FNBP1: variants seen among roughly 807,000 people sequenced by gnomAD.
FNBP1 encodes formin binding protein 1, also known as formin-binding protein 1.
In FNBP1, 26 loss-of-function variants were observed where a neutral mutation model predicts 90.6. That is an observed-to-expected ratio of 0.29 (90% CI 0.21 to 0.40). The LOEUF (loss-of-function observed/expected upper bound fraction) is 0.40, where lower values mean the gene tolerates loss of function less well. Ranked by LOEUF, FNBP1 falls within the 10% of genes least tolerant of loss-of-function variation. FNBP1 has a pLI of 1.00. For synonymous variants in FNBP1, 260 were observed against 265.2 expected (o/e 0.98, Z 0.19); for missense variants, 635 against 768.0 (o/e 0.83, Z 2.05).
chr9:129,953,725 T>C (rs1037011394), intron 6 of FNBP1, among the ~76,000 whole-genome samples: 3 of 149,298 alleles, frequency 2.0e-5, no homozygotes, highest in African/African-American at 7.4e-5. Context: ...ATGTTTATAA[T>C]GGAGAAGAAG....
At chr9:129,964,140 C>A (rs1025778454) in intron 4 of FNBP1, among the ~76,000 whole-genome samples, 3 of 152,184 alleles carry the variant, frequency 2.0e-5, no homozygotes, top group East Asian at 3.8e-4. Context: ...ACAAATAAAC[C>A]AGCTTTGCCA....
chr9:129,948,934 G>A (rs776951148), intron 6 of FNBP1, among the ~76,000 whole-genome samples: 20 of 151,932 alleles, frequency 1.3e-4, no homozygotes, highest in Non-Finnish European at 2.6e-4. Flanking sequence ...ACTTTATCTC[G>A]GTGTTTTAAT....
chr9:129,905,313 T>TATATATATATATA (rs1554766990), intron 12 of FNBP1, among the ~76,000 whole-genome samples: 2 of 145,600 alleles, frequency 1.4e-5, no homozygotes, highest in South Asian at 2.2e-4. Context: ...TATATATATA[T>TATATATATATATA]TTTGTTAATT....
chr9:129,917,619 G>A (rs2040461842), intron 10 of FNBP1, among the ~76,000 whole-genome samples: 1 of 152,218 alleles, frequency 6.6e-6, no homozygotes, highest in East Asian at 1.9e-4. Flanking sequence ...ACAGGTGTGA[G>A]CCACCACACA....
In FNBP1 at chr9:129,927,257, G is replaced by C. The variant is rs770827291; in HGVS notation, c.727C>G (p.Pro243Ala). The change falls in exon 8 of 17, where the codon CCA (proline) becomes GCA (alanine). Residue 243 changes from proline (P) to alanine (A), a missense_variant. Pro to Ala is a conservative substitution (Grantham distance 27). Transcript: ENST00000446176. ...CCATCCAGGCACTTCCCAATGATTG[G>C]GATCACCTGCCGATCAACCTCTGCA... The part of the protein sequence containing the change: ...TYAEVDRQVI[P>A]IIGKCLDGIV... 2 of 1,613,716 alleles carry C rather than the reference G, an allele frequency of 1.2e-6. No homozygotes were observed. Among genetic ancestry groups the C allele is most frequent in the Non-Finnish European group, 1.7e-6 (2 of 1,179,708 alleles).
chr9:129,981,935 A>G (rs189762164), intron 2 of FNBP1, among the ~76,000 whole-genome samples: 324 of 152,338 alleles, frequency 2.1e-3, no homozygotes, highest in African/African-American at 7.5e-3. Context: ...AACTGAGATC[A>G]TGTTGGCATA....
chr9:129,896,078 G>T, intron 15 of FNBP1, 82 bp from the exon 16 acceptor site: 1 of 1,423,706 alleles, frequency 7.0e-7, no homozygotes, highest in South Asian at 1.3e-5. Flanking sequence ...AATGAAACAA[G>T]TGTCGTCGAA....
intron 12 of FNBP1, among the ~76,000 whole-genome samples, chr9:129,905,879 C>CTTTTT (rs35439760): frequency 6.9e-6 from 1 of 145,394 alleles, no homozygotes; most frequent in Non-Finnish European, 1.5e-5. Context: ...AGGCATATTT[C>CTTTTT]TTTTTTTTTT....
At chr9:129,995,827 G>T (rs990265127) in intron 1 of FNBP1, among the ~76,000 whole-genome samples, 1 of 152,150 alleles carries the variant, frequency 6.6e-6, no homozygotes, top group Admixed American at 6.6e-5. Context: ...ACTAGAGACA[G>T]CTCAGAGCTA....
At chr9:129,991,376 T>C (rs1382213250) in intron 2 of FNBP1, among the ~76,000 whole-genome samples, 1 of 151,194 alleles carries the variant, frequency 6.6e-6, no homozygotes, top group Admixed American at 6.6e-5. Context: ...GGCTCAAGCA[T>C]CCGCCCTCCT....
intron 6 of FNBP1, chr9:129,936,649 A>T (rs2043507160): frequency 6.6e-6 from 1 of 152,198 alleles, no homozygotes; most frequent in Non-Finnish European, 1.5e-5. Context: ...AAGAAATAAA[A>T]GTTTCTGCAC....
chr9:130,042,907 C>T lies in FNBP1; in HGVS notation c.24+45G>A. The T allele has an allele frequency of 8.3e-7, 1 of 1,208,000 alleles. No individual in the cohort carries two copies. The highest frequency in any genetic ancestry group is 1.0e-6 in the Non-Finnish European group (1 of 965,622). The allele number at this position is 1,208,000 out of a possible 1,614,324, so 74.8% of individuals were successfully genotyped here. A position where few individuals can be genotyped will look rare whatever the true frequency, so the allele number is the denominator to read the frequency against. On this transcript the variant is annotated intron_variant, in intron 1 of 16. Coordinates refer to ENST00000446176, the MANE Select transcript of FNBP1 (RefSeq NM_015033.3). This position sits in a 1 kb window ranked among gnomAD's most constrained non-coding sequence, Gnocchi z 5.5. ...CCCCTCCCCAGGCCGCGGGGAAACG[C>T]AGCGCGCGCCCCGCATCTGCCCGCG...
intron 10 of FNBP1, chr9:129,919,390 A>C (rs773425051): frequency 2.6e-5 from 9 of 350,990 alleles, no homozygotes; most frequent in Non-Finnish European, 5.0e-5. Context: ...AAATATGAAA[A>C]ACGTACATCC....
chr9:130,015,148 C>A (rs958711761), intron 1 of FNBP1, among the ~76,000 whole-genome samples: 5 of 152,066 alleles, frequency 3.3e-5, no homozygotes, highest in African/African-American at 9.7e-5. Context: ...AAAACACATA[C>A]ACCCATCCAT....
At chr9:129,945,556 T>A (rs1225334779) in intron 6 of FNBP1, among the ~76,000 whole-genome samples, 1 of 152,174 alleles carries the variant, frequency 6.6e-6, no homozygotes, top group African/African-American at 2.4e-5. Flanking sequence ...GTACAATTCC[T>A]TATATGTACA....
Position 129,925,127 on chromosome 9 carries a change from A to T in FNBP1, c.820T>A (p.Ser274Thr). The change falls in exon 9 of 17, where the codon TCA becomes ACA. Residue 274 changes from serine (S) to threonine (T), a missense_variant. Coordinates refer to ENST00000446176, the MANE Select transcript of FNBP1 (RefSeq NM_015033.3). ...DSQLVIEAYK[S>T]GFEPPGDIEF... ...ATGTCTCCAGGAGGCTCAAACCCTG[A>T]TTTATAAGCTTCTATTACCAGCTGT... 1 of 1,613,598 alleles carries T rather than the reference A, an allele frequency of 6.2e-7. No homozygotes were observed. Among genetic ancestry groups the T allele is most frequent in the Non-Finnish European group, 8.5e-7 (1 of 1,179,654 alleles).
chr9:130,028,899 C>T (rs562621287), intron 1 of FNBP1, among the ~76,000 whole-genome samples: 7 of 152,226 alleles, frequency 4.6e-5, no homozygotes, highest in Non-Finnish European at 1.0e-4. Context: ...AGGCTATCGA[C>T]GCAATATTAG....
Position 129,929,439 on chromosome 9 carries a change from G to C in FNBP1, c.642+128C>G, listed in dbSNP as rs990175824. The C allele has an allele frequency of 7.0e-5, 38 of 546,434 alleles. No individual in the cohort carries two copies. The Admixed American group carries it at 1.2e-3, about 17-fold the overall frequency. The allele number at this position is 546,434 out of a possible 1,614,324, so 33.8% of individuals were successfully genotyped here. On this transcript the variant is annotated intron_variant, in intron 7 of 16. Coordinates refer to ENST00000446176, the MANE Select transcript of FNBP1 (RefSeq NM_015033.3). ...AAAAAAAAAAAAAAAAAAAAAATTA[G>C]TGGAAATTTGGAATTATATAAAGAC...
intron 1 of FNBP1, among the ~76,000 whole-genome samples, chr9:130,040,133 G>A (rs1170413276): frequency 6.6e-6 from 1 of 152,098 alleles, no homozygotes; most frequent in African/African-American, 2.4e-5. Context: ...CGGAGAAACT[G>A]GGGTTTACTT....
Sources: allele counts gnomAD v4.1 joint callset (sites outside exome capture counted in the v4.1 genomes callset), GRCh38; gene constraint gnomAD v4.1.1; non-coding constraint Gnocchi (gnomAD v3.1); transcripts MANE v1.5; gene names NCBI Gene and HGNC (gene_info 2026-07-23, HGNC 2026-07-21).